The following KREMEN1 variants were observed in gnomAD, a reference collection of about 807,000 sequenced individuals.
KREMEN1 encodes the protein kremen protein 1.
Under a neutral mutation model 46.5 loss-of-function variants are expected in KREMEN1, and 30 were observed. That is an observed-to-expected ratio of 0.65 (90% CI 0.48 to 0.88). KREMEN1 has a LOEUF of 0.88. Ranked by LOEUF, KREMEN1 falls within the 40% of genes least tolerant of loss-of-function variation. The probability of loss-of-function intolerance (pLI) is 0.00; values close to 1 mark genes in which losing one functional copy is unlikely to be tolerated. For missense variants in KREMEN1, 533 were observed against 596.9 expected, an observed-to-expected ratio of 0.89 and a Z score of 1.11; for synonymous variants, 214 against 230.6, an observed-to-expected ratio of 0.93 and a Z score of 0.65.
At chr22:29,086,501 C>T (rs1430932549) in intron 1 of KREMEN1, among the ~76,000 whole-genome samples, 1 of 152,168 alleles carries the variant, frequency 6.6e-6, no homozygotes, top group African/African-American at 2.4e-5. Flanking sequence ...TGTGTCCTAT[C>T]ACAGCCTCAG....
At chr22:29,096,571 A>G (rs1056967684) in intron 2 of KREMEN1, among the ~76,000 whole-genome samples, 124 of 152,172 alleles carry the variant, frequency 8.1e-4, no homozygotes, top group Non-Finnish European at 1.2e-4. Context: ...ATTTGATGGA[A>G]TGCAGGAGAC....
downstream of KREMEN1, among the ~76,000 whole-genome samples, chr22:29,147,372 C>G (rs1248479033): frequency 6.6e-6 from 1 of 152,176 alleles, no homozygotes; most frequent in East Asian, 1.9e-4. Flanking sequence ...TATGAGCTGC[C>G]CACTCTGCGC....
At chr22:29,088,518 T>G (rs2037763122) in intron 1 of KREMEN1, among the ~76,000 whole-genome samples, 1 of 152,068 alleles carries the variant, frequency 6.6e-6, no homozygotes, top group Admixed American at 6.6e-5. Context: ...TTGGTAGAGA[T>G]GGGGTTTCGC....
At chr22:29,150,787 T>C (rs775664758), downstream of KREMEN1, among the ~76,000 whole-genome samples, 5 of 152,222 alleles carry the variant, frequency 3.3e-5, no homozygotes, top group Non-Finnish European at 7.3e-5. Flanking sequence ...CTACCATCTC[T>C]GCAGTACGTA....
At chr22:29,159,392 G>C (rs1042532436) in intron 9 of KREMEN1, among the ~76,000 whole-genome samples, 1 of 151,936 alleles carries the variant, frequency 6.6e-6, no homozygotes, top group Non-Finnish European at 1.5e-5. Context: ...AGGTTGAGGC[G>C]GGTGGATCTT....
At chr22:29,122,940 CAAAAAAAAAAAA>C (rs140855395) in intron 4 of KREMEN1, among the ~76,000 whole-genome samples, 1 of 56,406 alleles carries the variant, frequency 1.8e-5, no homozygotes. Context: ...GACTCTGTCT[CAAAAAAAAAAAA>C]AAAAAAAAAA....
chr22:29,125,480 CT>C, intron 5 of KREMEN1, 64 bp downstream of exon 5: 1 of 1,531,700 alleles, frequency 6.5e-7, no homozygotes, highest in Non-Finnish European at 9.0e-7. Flanking sequence ...AGCAACAAGC[CT>C]GCCCACCCTC....
intron 1 of KREMEN1, among the ~76,000 whole-genome samples, chr22:29,078,618 ATTTTG>A (rs1417521556): frequency 1.3e-5 from 2 of 152,250 alleles, no homozygotes; most frequent in Non-Finnish European, 2.9e-5. Flanking sequence ...ATAGCTGATT[ATTTTG>A]TTTTAATTAA....
In KREMEN1 at chr22:29,125,310, T is replaced by C; in HGVS notation, c.525T>C (p.Pro175=). The change falls in exon 5 of 9, where the codon CCT becomes CCC. Residue 175 remains proline, a synonymous_variant. Coordinates refer to ENST00000400335, the MANE Select transcript of KREMEN1 (RefSeq NM_001039570.3). Reference sequence around the variant, plus strand: ...ATGCTTGCTTCTGTGGAAACAATCCTGATTACTGGAAGTACGGGGAGGCAG... The same window carrying C: ...ATGCTTGCTTCTGTGGAAACAATCCCGATTACTGGAAGTACGGGGAGGCAG... ...SGYACFCGNN[P]DYWKYGEAAS... 1.2e-6 allele frequency: 2 copies of C among 1,614,198 alleles called. No individual in the cohort carries two copies. The highest frequency in any genetic ancestry group is 2.2e-5 in the South Asian group (2 of 91,090).
chr22:29,090,370 G>A (rs2037787315), intron 1 of KREMEN1, among the ~76,000 whole-genome samples: 1 of 152,156 alleles, frequency 6.6e-6, no homozygotes. Context: ...GCAGACACTG[G>A]GGTCTACTTG....
At chr22:29,162,452 C>T (rs2039019964) in intron 9 of KREMEN1, among the ~76,000 whole-genome samples, 1 of 152,102 alleles carries the variant, frequency 6.6e-6, no homozygotes, top group Non-Finnish European at 1.5e-5. Flanking sequence ...CACAGTGGCT[C>T]ACACCTATAA....
Position 29,145,579 on chromosome 22 carries a change from G to A in KREMEN1, c.*3467G>A, listed in dbSNP as rs2038845171. 49 of 985,388 alleles carry A rather than the reference G, an allele frequency of 5.0e-5. No individual in the cohort carries two copies. Among genetic ancestry groups the A allele is most frequent in the South Asian group, 9.4e-5 (2 of 21,290 alleles). 61.0% of individuals were successfully genotyped at this position (985,388 alleles called of 1,614,324 possible). On this transcript the variant is annotated 3_prime_UTR_variant, in exon 9 of 9. Coordinates refer to ENST00000400335, the MANE Select transcript of KREMEN1 (RefSeq NM_001039570.3). Reference sequence around the variant, plus strand: ...GCTGTGGCCCCTAGTTTCTAGCAGCGTTTCTCAGTGTCCTTGGCCCTTCTG... The same window carrying A: ...GCTGTGGCCCCTAGTTTCTAGCAGCATTTCTCAGTGTCCTTGGCCCTTCTG...
chr22:29,104,642 C>T (rs988086637), intron 3 of KREMEN1, among the ~76,000 whole-genome samples: 2 of 152,198 alleles, frequency 1.3e-5, no homozygotes, highest in Non-Finnish European at 2.9e-5. Flanking sequence ...CGCAGTGGCT[C>T]ACGCCTGTAA....
At chr22:29,098,199 C>G (rs1038146664) in intron 2 of KREMEN1, among the ~76,000 whole-genome samples, 34 of 150,788 alleles carry the variant, frequency 2.3e-4, no homozygotes, top group African/African-American at 7.3e-4. Flanking sequence ...AAAAAAAAAG[C>G]CTCATAAGAC....
chr22:29,151,536 G>A (rs1003649731), downstream of KREMEN1, among the ~76,000 whole-genome samples: 6 of 152,120 alleles, frequency 3.9e-5, no homozygotes, highest in Non-Finnish European at 7.4e-5. Context: ...ATGAGGAGTC[G>A]GGGGATGGGG....
rs2038810626 is a variant in KREMEN1 at position 29,143,887 on chromosome 22, C to T, written c.*1775C>T. ...CCTGTCCCTTAGATAGGGAGGTGGG[C>T]TGCAGAGATTGGTGCCAGAAGAGGG... On this transcript the variant is annotated 3_prime_UTR_variant, in exon 9 of 9. Coordinates refer to ENST00000400335, the MANE Select transcript of KREMEN1 (RefSeq NM_001039570.3). 1 of 985,406 alleles carries T rather than the reference C, an allele frequency of 1.0e-6. No individual in the cohort carries two copies. The highest frequency in any genetic ancestry group is 1.2e-6 in the Non-Finnish European group (1 of 830,008). The allele number at this position is 985,406 out of a possible 1,614,324, so 61.0% of individuals were successfully genotyped here.
intron 9 of KREMEN1, among the ~76,000 whole-genome samples, chr22:29,158,349 G>A (rs1220286805): frequency 1.3e-5 from 2 of 152,198 alleles, no homozygotes; most frequent in Non-Finnish European, 2.9e-5. Context: ...GGGAGGCCAC[G>A]CCAGCCAAGA....
chr22:29,134,598 A>C (rs2038627740), intron 5 of KREMEN1, among the ~76,000 whole-genome samples: 1 of 151,754 alleles, frequency 6.6e-6, no homozygotes, highest in Non-Finnish European at 1.5e-5. Context: ...GTGTGTTGTA[A>C]TTTTTTATTG....
rs1438468057 is a variant in KREMEN1 at position 29,121,398 on chromosome 22, C to T, written c.394C>T (p.Pro132Ser). Residue 132 changes from proline to serine, a missense_variant, in exon 4 of 9, where the codon CCT becomes TCT. Coordinates refer to ENST00000400335, the MANE Select transcript of KREMEN1 (RefSeq NM_001039570.3). The part of the protein sequence containing the change: ...LGCYKDHGNP[P>S]PLTGTSKTSN... ...CTGCTACAAGGATCATGGAAACCCA[C>T]CTCCTCTAACTGGCACCAGTAAAAC... 1 of 1,614,026 alleles carries T rather than the reference C, an allele frequency of 6.2e-7. No individual in the cohort carries two copies. Among genetic ancestry groups the T allele is most frequent in the East Asian group, 2.2e-5 (1 of 44,874 alleles).
Sources: allele counts gnomAD v4.1 joint callset (sites outside exome capture counted in the v4.1 genomes callset), GRCh38; gene constraint gnomAD v4.1.1; transcripts MANE v1.5; gene names NCBI Gene and HGNC (gene_info 2026-07-23, HGNC 2026-07-21).